Variants in C4orf50 observed in about 807,000 individuals in gnomAD.
C4orf50 encodes the protein uncharacterized protein C4orf50.
Under a neutral mutation model 77.2 loss-of-function variants are expected in C4orf50, and 80 were observed. That is an observed-to-expected ratio of 1.04 (90% CI 0.87 to 1.25). C4orf50 has a LOEUF of 1.25. Among genes scored for constraint, C4orf50 ranks in the 50% most tolerant of loss-of-function variants. The pLI is 0.00. For synonymous variants in C4orf50, 532 were observed against 465.3 expected, an observed-to-expected ratio of 1.14 and a Z score of -1.84; for missense variants, 1,257 against 1,152.9, an observed-to-expected ratio of 1.09 and a Z score of -1.31.
At chr4:5,944,200 AG>A (rs1718388271) in intron 7 of C4orf50, among the ~76,000 whole-genome samples, 1 of 152,136 alleles carries the variant, frequency 6.6e-6, no homozygotes, top group Non-Finnish European at 1.5e-5. Context: ...ACAGTCTCTA[AG>A]CTCCCTTCTT....
chr4:5,978,322 TA>T (rs1720396825), intron 29 of C4orf50, among the ~76,000 whole-genome samples: 2 of 151,844 alleles, frequency 1.3e-5, no homozygotes, highest in South Asian at 4.2e-4. Flanking sequence ...CTGAGAACTA[TA>T]AAAAAAAGAA....
Position 5,970,433 on chromosome 4 carries a change from C to T in C4orf50, c.4105-2971G>A, listed in dbSNP as rs1371241303. On this transcript the variant is annotated intron_variant, in intron 31 of 33. Coordinates refer to ENST00000531445, the Ensembl canonical transcript of C4orf50. The surrounding 1 kb of genome is among the most constrained non-coding windows in gnomAD (Gnocchi z 4.3). The stretch of plus-strand genomic sequence containing the variant: ...GATTTCCCCATCCCCAAAACAGGCA[C>T]CTGAGCTGGACAGAATCAGCAGAGT... Among the ~76,000 whole-genome samples, 3 of 152,144 alleles carry T rather than the reference C, an allele frequency of 2.0e-5. No individual in the cohort carries two copies. The highest frequency in any genetic ancestry group is 7.2e-5 in the African/African-American group (3 of 41,440).
intron 29 of C4orf50, among the ~76,000 whole-genome samples, chr4:5,979,702 G>A (rs1209229648): frequency 1.3e-5 from 2 of 152,208 alleles, no homozygotes; most frequent in Non-Finnish European, 2.9e-5. Context: ...TTCCCCCAGT[G>A]GGAATATTTT....
At chr4:5,942,671 C>T (rs1718316919) in intron 7 of C4orf50, among the ~76,000 whole-genome samples, 1 of 152,168 alleles carries the variant, frequency 6.6e-6, no homozygotes, top group Non-Finnish European at 1.5e-5. Context: ...GCTCTTATCC[C>T]CATTTTATTT....
At position 5,905,880 on chromosome 4, in the gene C4orf50, C is replaced by G. The variant is rs1223244169; in HGVS notation, c.*2475-7692G>C. ...CGTCCAACAAAAAGTGATGGGACAC[C>G]TGCTGTGTGGTAATCTCTATGCTAA... On this transcript the variant is annotated intron_variant, in intron 7 of 7. Transcript: ENST00000324058. The surrounding 1 kb of genome is among the most constrained non-coding windows in gnomAD (Gnocchi z 5.4). Among the ~76,000 whole-genome samples the G allele has an allele frequency of 6.9e-6, 1 of 144,654 alleles. No individual in the cohort carries two copies. Among genetic ancestry groups the G allele is most frequent in the East Asian group, 2.0e-4 (1 of 4,998 alleles). 94.9% of individuals were successfully genotyped at this position (144,654 alleles called of 152,430 possible). A position where few individuals can be genotyped will look rare whatever the true frequency, so the allele number is the denominator to read the frequency against.
chr4:5,931,687 C>G (rs1051117691), intron 7 of C4orf50, among the ~76,000 whole-genome samples: 10 of 152,152 alleles, frequency 6.6e-5, no homozygotes, highest in Middle Eastern at 3.2e-3. Flanking sequence ...CCCACTCCAC[C>G]CTCTCTGCAG....
At chr4:5,911,771 G>C (rs1056661665) in intron 7 of C4orf50, among the ~76,000 whole-genome samples, 5 of 152,198 alleles carry the variant, frequency 3.3e-5, no homozygotes, top group African/African-American at 1.2e-4. Flanking sequence ...CAAAACACTA[G>C]GCGTGGTGGC....
In C4orf50 at chr4:5,970,558, C is replaced by T. The variant is rs1408295239; in HGVS notation, c.4105-3096G>A. On this transcript the variant is annotated intron_variant, in intron 31 of 33. Transcript: ENST00000531445. This position sits in a 1 kb window ranked among gnomAD's most constrained non-coding sequence, Gnocchi z 4.3. The stretch of plus-strand genomic sequence containing the variant: ...CCAGCACAGACAGCGGTGCTGGGAC[C>T]CGTGGCCCCCAGCCCAACACCACAT... 6.6e-6 allele frequency among the ~76,000 whole-genome samples: 1 copy of T among 152,136 alleles called. No individual in the cohort carries two copies. The highest frequency in any genetic ancestry group is 1.5e-5 in the Non-Finnish European group (1 of 68,022).
intron 30 of C4orf50, among the ~76,000 whole-genome samples, chr4:5,975,139 CAAAAAAAAAAAAAAAAA>C (rs763836859): frequency 9.7e-5 from 8 of 82,864 alleles, no homozygotes; most frequent in Admixed American, 1.7e-4. Flanking sequence ...CACTCCATCT[CAAAAAAAAAAAAAAAAA>C]AAAAAAAAAA....
At chr4:5,940,873 T>C (rs1057258397) in intron 7 of C4orf50, among the ~76,000 whole-genome samples, 14 of 152,176 alleles carry the variant, frequency 9.2e-5, no homozygotes, top group African/African-American at 3.1e-4. Flanking sequence ...GCTGAGAGGA[T>C]ACTTGGAGCA....
At chr4:6,012,626 G>A (rs1722534649) in intron 23 of C4orf50, among the ~76,000 whole-genome samples, 1 of 152,186 alleles carries the variant, frequency 6.6e-6, no homozygotes, top group Non-Finnish European at 1.5e-5. Flanking sequence ...GTCACAGGAA[G>A]ACTTTGCATG....
chr4:5,981,962 C>T (rs528547790), intron 28 of C4orf50, among the ~76,000 whole-genome samples: 19 of 151,906 alleles, frequency 1.3e-4, no homozygotes, highest in East Asian at 3.9e-4. Flanking sequence ...GAAAAAGAGA[C>T]GAGGGAGAAG....
At chr4:5,920,264 A>T (rs1053523944) in intron 7 of C4orf50, among the ~76,000 whole-genome samples, 1 of 152,044 alleles carries the variant, frequency 6.6e-6, no homozygotes, top group African/African-American at 2.4e-5. Flanking sequence ...TTCAAATCCC[A>T]CCTCTGCCAC....
exon 28 of C4orf50, chr4:5,990,490 C>A: frequency 2.5e-6 from 1 of 399,566 alleles, no homozygotes; most frequent in Non-Finnish European, 4.4e-6. Context: ...GGCACCGCGG[C>A]CTCTTGTCTG....
chr4:5,994,383 G>A (rs1026677649), exon 26 of C4orf50: 2 of 399,330 alleles, frequency 5.0e-6, no homozygotes, highest in Non-Finnish European at 8.8e-6. Flanking sequence ...TCATTGGACC[G>A]CAGGGAGTTC....
chr4:5,993,843 TAAATAA>T (rs1328288697), intron 26 of C4orf50, among the ~76,000 whole-genome samples: 2 of 118,696 alleles, frequency 1.7e-5, no homozygotes, highest in African/African-American at 7.4e-5. Context: ...AAAATAAAAA[TAAATAA>T]AAATAAATAA....
intron 25 of C4orf50, among the ~76,000 whole-genome samples, chr4:6,002,971 A>C (rs1431867809): frequency 6.6e-6 from 1 of 152,202 alleles, no homozygotes; most frequent in Non-Finnish European, 1.5e-5. Flanking sequence ...GCAGCTCCCA[A>C]GATGAAAGCC....
intron 7 of C4orf50, among the ~76,000 whole-genome samples, chr4:5,944,094 C>A (rs1359923110): frequency 6.6e-6 from 1 of 152,226 alleles, no homozygotes; most frequent in Non-Finnish European, 1.5e-5. Flanking sequence ...CAAATAGACA[C>A]ACAAAGCCCT....
At position 5,973,851 on chromosome 4, in the gene C4orf50, A is replaced by G. The variant is rs774740675; in HGVS notation, c.3922-10T>C. 28 of 1,601,644 alleles carry G rather than the reference A, an allele frequency of 1.7e-5. No homozygotes were observed. The highest frequency in any genetic ancestry group is 2.4e-5 in the Non-Finnish European group (28 of 1,172,564). ...GGGAAGCTATCTTGGCCTGAAAGGG[A>G]GGGAGGCCATGGATGCAGAGCTCCC... is the stretch of plus-strand genomic sequence containing the variant. On this transcript the variant is annotated splice_polypyrimidine_tract_variant and intron_variant, in intron 30 of 33. Transcript: ENST00000531445.
Sources: allele counts gnomAD v4.1 joint callset (sites outside exome capture counted in the v4.1 genomes callset), GRCh38; gene constraint gnomAD v4.1.1; non-coding constraint Gnocchi (gnomAD v3.1); transcripts MANE v1.5; gene names NCBI Gene and HGNC (gene_info 2026-07-23, HGNC 2026-07-21).